The following RPS6KA2 variants were observed in gnomAD, a reference collection of about 807,000 sequenced individuals.
RPS6KA2 encodes ribosomal protein S6 kinase A2.
Under a neutral mutation model 91.8 loss-of-function variants are expected in RPS6KA2, and 42 were observed. That is an observed-to-expected ratio of 0.46 (90% CI 0.36 to 0.59). The LOEUF is 0.59. Ranked by LOEUF, RPS6KA2 falls within the 20% of genes least tolerant of loss-of-function variation. The pLI is 0.00. For synonymous variants in RPS6KA2, 414 were observed against 393.6 expected (o/e 1.05, Z -0.61); for missense variants, 798 against 978.5 (o/e 0.82, Z 2.46).
exon 1 of RPS6KA2, chr6:166,862,403 G>A (rs987168111): frequency 2.0e-5 from 27 of 1,378,086 alleles, no homozygotes; most frequent in East Asian, 2.8e-5. Context: ...CTGCTCGGGC[G>A]CCGTCCCCTC....
In RPS6KA2 at chr6:166,486,826, G is replaced by A. The variant is rs9459680; in HGVS notation, c.907+2007C>T. ...GCAACGTGGAGATTCTCAACAGGGG[G>A]ACTTTGCCAATGTCAGGAGACGTTT... On this transcript the variant is annotated intron_variant, in intron 10 of 20. Coordinates refer to ENST00000265678, the MANE Select transcript of RPS6KA2 (RefSeq NM_021135.6). 8.5e-3 allele frequency among the ~76,000 whole-genome samples: 1,233 copies of A among 145,082 alleles called. 19 individuals are homozygous for A. The highest frequency in any genetic ancestry group is 0.03 in the African/African-American group (1,176 of 39,598).
intron 1 of RPS6KA2, among the ~76,000 whole-genome samples, chr6:166,622,628 G>T (rs966449648): frequency 3.9e-5 from 6 of 152,140 alleles, no homozygotes; most frequent in Non-Finnish European, 8.8e-5. Context: ...ATCCATGACT[G>T]GAGCCAATAT....
chr6:166,839,250 T>C (rs1472919110), intron 2 of RPS6KA2, among the ~76,000 whole-genome samples: 1 of 152,176 alleles, frequency 6.6e-6, no homozygotes, highest in Non-Finnish European at 1.5e-5. Flanking sequence ...AATTAGCTGG[T>C]TATGTTCAAA....
At chr6:166,664,589 C>T (rs1378588548) in intron 2 of RPS6KA2, among the ~76,000 whole-genome samples, 3 of 152,122 alleles carry the variant, frequency 2.0e-5, no homozygotes, top group Non-Finnish European at 4.4e-5. Context: ...CATGTTGTTT[C>T]TTGTAAGAAT....
chr6:166,524,798 G>T (rs113418773), intron 3 of RPS6KA2, among the ~76,000 whole-genome samples: 1 of 152,300 alleles, frequency 6.6e-6, no homozygotes, highest in South Asian at 2.1e-4. Context: ...TCAGCAGGGG[G>T]ACACTGAGGC....
Position 166,455,216 on chromosome 6 carries a change from G to A in RPS6KA2, c.1076-3983C>T, listed in dbSNP as rs893461997. Among the ~76,000 whole-genome samples the A allele has an allele frequency of 3.9e-5, 6 of 152,248 alleles. No individual in the cohort carries two copies. In the South Asian group the frequency reaches 1.2e-3, roughly 32 times the overall value. ...CGGTGCGGCAGGTGTGTGGGGGTGGGAGGCAGCTGCAGAGAACACGTGTTT... is the reference window on the plus strand; with the variant it reads ...CGGTGCGGCAGGTGTGTGGGGGTGGAAGGCAGCTGCAGAGAACACGTGTTT... On this transcript the variant is annotated intron_variant, in intron 12 of 20. Transcript: ENST00000265678.
chr6:166,792,038 GAC>G (rs1779103589), intron 2 of RPS6KA2, among the ~76,000 whole-genome samples: 2 of 151,446 alleles, frequency 1.3e-5, no homozygotes, highest in African/African-American at 2.4e-5. Flanking sequence ...AGGAGATCGA[GAC>G]ACAAAAAAAA....
intron 16 of RPS6KA2, among the ~76,000 whole-genome samples, chr6:166,425,739 CAAG>C (rs1354770100): frequency 6.6e-6 from 1 of 152,008 alleles, no homozygotes; most frequent in Non-Finnish European, 1.5e-5. Context: ...ATCAATTCAA[CAAG>C]AAGAGCTAAC....
At chr6:166,861,070 G>A (rs906967739) in intron 1 of RPS6KA2, among the ~76,000 whole-genome samples, 4 of 152,142 alleles carry the variant, frequency 2.6e-5, no homozygotes, top group Admixed American at 6.5e-5. Context: ...TACATATGTC[G>A]AGCATTATTT....
intron 11 of RPS6KA2, among the ~76,000 whole-genome samples, chr6:166,461,784 A>G (rs11961497): frequency 0.039 from 5,960 of 152,298 alleles, 404 homozygotes; most frequent in African/African-American, 0.13. Flanking sequence ...GCAGGGGCCC[A>G]CATGGCCCCT....
intron 10 of RPS6KA2, among the ~76,000 whole-genome samples, chr6:166,477,651 C>T (rs75272817): frequency 0.02 from 3,120 of 152,272 alleles, 96 homozygotes; most frequent in African/African-American, 0.071. Flanking sequence ...CAGTGGCTCA[C>T]GCCTGTAATC....
intron 2 of RPS6KA2, among the ~76,000 whole-genome samples, chr6:166,642,762 A>C (rs1787484431): frequency 6.6e-6 from 1 of 152,178 alleles, no homozygotes; most frequent in Admixed American, 6.5e-5. Flanking sequence ...TAAGTAAAAA[A>C]AATACCAACT....
rs762306849 is a variant in RPS6KA2, at chr6:166,488,799, C to T, written c.907+34G>A. ...GTAGCTTGCGGGGCAGCGCCCTGCA[C>T]GTTCCCGTGGTGGGGTGTCCCGGGG... is the stretch of plus-strand genomic sequence containing the variant. On this transcript the variant is annotated intron_variant, in intron 10 of 20. Transcript: ENST00000265678. The T allele has an allele frequency of 3.2e-6, 5 of 1,558,320 alleles. No individual in the cohort carries two copies. In the South Asian group the frequency reaches 3.4e-5, roughly 11 times the overall value.
Position 166,445,745 on chromosome 6 carries a change from C to T in RPS6KA2, c.1332+2979G>A, listed in dbSNP as rs771501655. Among the ~76,000 whole-genome samples the T allele has an allele frequency of 2.0e-5, 3 of 152,180 alleles. No individual in the cohort carries two copies. The highest frequency in any genetic ancestry group is 2.9e-5 in the Non-Finnish European group (2 of 68,040). ...GGGAGGATGCCCTGTCTGGCTGTGA[C>T]GGGACTGCTTCTGAAGCAGACCCCG... On this transcript the variant is annotated intron_variant, in intron 14 of 20. Coordinates refer to ENST00000265678, the MANE Select transcript of RPS6KA2 (RefSeq NM_021135.6). The surrounding 1 kb of genome is among the most constrained non-coding windows in gnomAD (Gnocchi z 4.5).
intron 2 of RPS6KA2, among the ~76,000 whole-genome samples, chr6:166,784,917 T>C (rs1778891021): frequency 6.6e-6 from 1 of 152,232 alleles, no homozygotes; most frequent in African/African-American, 2.4e-5. Flanking sequence ...TTGCATGTGC[T>C]TCCTGGCTTC....
intron 2 of RPS6KA2, among the ~76,000 whole-genome samples, chr6:166,786,128 G>C (rs1235156608): frequency 6.6e-6 from 1 of 152,214 alleles, no homozygotes; most frequent in Non-Finnish European, 1.5e-5. Context: ...TCCACTTACA[G>C]TATGGAAAGC....
intron 1 of RPS6KA2, among the ~76,000 whole-genome samples, chr6:166,550,936 G>A (rs903980761): frequency 7.0e-5 from 10 of 143,378 alleles, no homozygotes; most frequent in Non-Finnish European, 1.1e-4. Context: ...GGGAGGCGGA[G>A]GTTGCAGTGA....
At chr6:166,660,776 C>T (rs568698686) in intron 2 of RPS6KA2, among the ~76,000 whole-genome samples, 15 of 152,198 alleles carry the variant, frequency 9.9e-5, no homozygotes, top group Admixed American at 5.2e-4. Context: ...GGTTTTCTGA[C>T]GGCTGCATAA....
chr6:166,632,410 C>T (rs1238370896), intron 2 of RPS6KA2, among the ~76,000 whole-genome samples: 2 of 152,034 alleles, frequency 1.3e-5, no homozygotes, highest in African/African-American at 4.8e-5. Flanking sequence ...ATCAGGAGTT[C>T]GAGACCAGCC....
Sources: gnomAD v4.1 joint callset for allele counts (sites outside exome capture counted in the v4.1 genomes callset) on GRCh38, gnomAD v4.1.1 for gene constraint, Gnocchi (gnomAD v3.1) non-coding constraint, MANE v1.5 for transcripts, NCBI Gene and HGNC (gene_info 2026-07-23, HGNC 2026-07-21) for gene names.